Variants in TAAR5 observed in about 807,000 individuals in gnomAD.
TAAR5 encodes the protein trace amine-associated receptor 5.
A neutral mutation model predicts 21.1 loss-of-function variants in TAAR5; 27 were observed. The observed-to-expected ratio is 1.28, with a 90% CI of 0.94 to 1.76. The LOEUF is 1.76. Among genes scored for constraint, TAAR5 ranks in the 40% most tolerant of loss-of-function variants. TAAR5 has a pLI of 0.00. For synonymous variants in TAAR5, 203 were observed against 167.5 expected (o/e 1.21, Z -1.64); for missense variants, 495 against 405.6 (o/e 1.22, Z -1.89).
At chr6:132,608,757 G>A in the TAAR5 span, 5 of 455,926 alleles carry the variant, frequency 1.1e-5, no homozygotes, top group African/African-American at 6.0e-5. Context: ...TCTGCATACC[G>A]GAAACATCGG....
At chr6:132,615,025 A>C in the TAAR5 span, among the ~76,000 whole-genome samples, 4 of 152,054 alleles carry the variant, frequency 2.6e-5, no homozygotes, top group South Asian at 8.3e-4. Context: ...CACCACGCCC[A>C]GTTAATTTTT....
At chr6:132,608,921 A>G in the TAAR5 span, 1 of 455,988 alleles carries the variant, frequency 2.2e-6, no homozygotes, top group Non-Finnish European at 4.4e-6. Flanking sequence ...CAGAGGTGGA[A>G]AATGGAGGTC....
the TAAR5 span, among the ~76,000 whole-genome samples, chr6:132,614,184 G>C: frequency 6.6e-6 from 1 of 152,046 alleles, no homozygotes; most frequent in South Asian, 2.1e-4. Flanking sequence ...ACAGCCCTAG[G>C]GCTCTTGGAA....
chr6:132,608,894 G>A, the TAAR5 span: 24 of 455,782 alleles, frequency 5.3e-5, no homozygotes, highest in African/African-American at 2.2e-4. Context: ...GCATAAAATC[G>A]GTCAATAGCA....
At chr6:132,602,892 G>A in the TAAR5 span, among the ~76,000 whole-genome samples, 17,599 of 151,762 alleles carry the variant, frequency 0.12, 1,244 homozygotes, top group East Asian at 0.26. Context: ...TTTGCAGCAG[G>A]TTGTGCATGA....
chr6:132,589,541 A>C lies in TAAR5; in HGVS notation c.146T>G (p.Val49Gly). ...AAATGCCACAAATACATTCCCTAGC[A>C]CGATAATCAGCATGCCTGCTGCACA... The part of the protein sequence containing the change: ...LACAAGMLII[V>G]LGNVFVAFAV... The change falls in exon 1 of 1, where the codon GTG (valine) becomes GGG (glycine). Residue 49 changes from valine (V) to glycine (G), a missense_variant. By Grantham distance (109) the Val-to-Gly change is moderately radical (BLOSUM62 -3). Coordinates refer to ENST00000258034, the MANE Select transcript of TAAR5 (RefSeq NM_003967.3). 6.2e-7 allele frequency: 1 copy of C among 1,614,028 alleles called. No homozygotes were observed. Among genetic ancestry groups the C allele is most frequent in the East Asian group, 2.2e-5 (1 of 44,856 alleles).
chr6:132,598,634 T>C, the TAAR5 span, among the ~76,000 whole-genome samples: 1 of 152,192 alleles, frequency 6.6e-6, no homozygotes, highest in African/African-American at 2.4e-5. Context: ...GCCTAAAATA[T>C]GCCTCTAGGG....
At chr6:132,602,038 AT>A in the TAAR5 span, among the ~76,000 whole-genome samples, 1 of 152,054 alleles carries the variant, frequency 6.6e-6, no homozygotes, top group African/African-American at 2.4e-5. Flanking sequence ...TTAAATTATG[AT>A]TTTTAAAATA....
the TAAR5 span, among the ~76,000 whole-genome samples, chr6:132,602,710 T>C: frequency 6.9e-6 from 1 of 144,210 alleles, no homozygotes; most frequent in East Asian, 2.0e-4. Context: ...TGGAATTAGG[T>C]ATAGAAAATG....
the TAAR5 span, among the ~76,000 whole-genome samples, chr6:132,601,059 G>A: frequency 5.4e-5 from 6 of 110,244 alleles, no homozygotes; most frequent in African/African-American, 1.3e-4. Context: ...GAGGGAAGGA[G>A]GGAAAGAAGG....
chr6:132,589,312 G>T lies in TAAR5; in HGVS notation c.375C>A (p.Leu125=). 1.2e-6 allele frequency: 2 copies of T among 1,613,684 alleles called. No individual in the cohort carries two copies. Among genetic ancestry groups the T allele is most frequent in the Non-Finnish European group, 1.7e-6 (2 of 1,179,814 alleles). Residue 125 remains leucine, a synonymous_variant, in exon 1 of 1, where the codon CTC becomes CTA. Transcript: ENST00000258034. ...TLFCLTSIFH[L]CFISIDRHCA... ...AGTGGCGGTCAATGGAAATGAAACAGAGATGGAAGATGGAGGTGAGGCAGA... is the reference window on the plus strand; with the variant it reads ...AGTGGCGGTCAATGGAAATGAAACATAGATGGAAGATGGAGGTGAGGCAGA...
At chr6:132,608,979 C>A in the TAAR5 span, 3 of 455,854 alleles carry the variant, frequency 6.6e-6, no homozygotes, top group South Asian at 4.6e-5. Context: ...AAAAGCCATC[C>A]CCAAAGTACC....
chr6:132,615,738 T>A, the TAAR5 span, among the ~76,000 whole-genome samples: 1 of 152,004 alleles, frequency 6.6e-6, no homozygotes, highest in Non-Finnish European at 1.5e-5. Context: ...ATTGAAAAGG[T>A]ACTGACAGAT....
At chr6:132,596,555 A>G in the TAAR5 span, among the ~76,000 whole-genome samples, 1 of 152,236 alleles carries the variant, frequency 6.6e-6, no homozygotes, top group Non-Finnish European at 1.5e-5. Context: ...TTGCTACAAT[A>G]GCTTAGCAAT....
the TAAR5 span, among the ~76,000 whole-genome samples, chr6:132,596,434 A>C: frequency 6.6e-6 from 1 of 152,168 alleles, no homozygotes; most frequent in Non-Finnish European, 1.5e-5. Flanking sequence ...GAATAGGCTA[A>C]AACTGAATGG....
chr6:132,592,567 A>C (rs970373458), upstream of TAAR5, among the ~76,000 whole-genome samples: 2 of 152,082 alleles, frequency 1.3e-5, no homozygotes, highest in African/African-American at 4.8e-5. Context: ...GCCTGGTGGG[A>C]GGTGCTTGGA....
At chr6:132,609,056 T>C in the TAAR5 span, 1 of 455,368 alleles carries the variant, frequency 2.2e-6, no homozygotes, top group Admixed American at 2.4e-5. Flanking sequence ...AAGTCCGTGG[T>C]TGCCATGGAG....
chr6:132,610,431 G>A, the TAAR5 span, among the ~76,000 whole-genome samples: 2 of 152,100 alleles, frequency 1.3e-5, no homozygotes, highest in African/African-American at 4.8e-5. Flanking sequence ...CATCTATTTA[G>A]GCAGATTCAG....
upstream of TAAR5, among the ~76,000 whole-genome samples, chr6:132,591,225 T>C (rs952885752): frequency 4.6e-5 from 7 of 152,194 alleles, no homozygotes; most frequent in Non-Finnish European, 7.3e-5. Flanking sequence ...GTAAATAACA[T>C]GTTGAATCGT....
Sources: allele counts gnomAD v4.1 joint callset (sites outside exome capture counted in the v4.1 genomes callset), GRCh38; gene constraint gnomAD v4.1.1; transcripts MANE v1.5; gene names NCBI Gene and HGNC (gene_info 2026-07-23, HGNC 2026-07-21).